HYI: variants seen among roughly 807,000 people sequenced by gnomAD.
HYI encodes putative hydroxypyruvate isomerase.
In HYI, 47 loss-of-function variants were observed where a neutral mutation model predicts 39.7. The ratio of observed to expected loss-of-function variants is 1.18; its 90% confidence interval spans 0.94 to 1.51. The LOEUF (loss-of-function observed/expected upper bound fraction) is 1.51, where lower values mean the gene tolerates loss of function less well. Ranked by LOEUF, HYI falls within the 40% of genes most tolerant of loss-of-function variation. HYI has a pLI of 0.00. For missense variants in HYI, 465 were observed against 370.3 expected (o/e 1.26, Z -2.10); for synonymous variants, 186 against 158.8 (o/e 1.17, Z -1.29).
At chr1:43,450,668 C>A, downstream of HYI, 1 of 860,016 alleles carries the variant, frequency 1.2e-6, no homozygotes, top group Non-Finnish European at 1.8e-6. The surrounding 1 kb of genome is among the most constrained non-coding windows in gnomAD (Gnocchi z 4.3). Flanking sequence ...CCGCCCTCCC[C>A]AAACACCCAC....
intron 5 of HYI, 22 bp downstream of exon 5, chr1:43,451,776 C>T (rs41270369): frequency 1.3e-4 from 213 of 1,614,046 alleles, no homozygotes; most frequent in Middle Eastern, 4.9e-4. Flanking sequence ...TTCCGATCTG[C>T]GAAGTACCCC....
At position 43,453,790 on chromosome 1, in the gene HYI, C is replaced by G. The variant is rs754502980; in HGVS notation, c.4G>C (p.Ala2Pro). 7.8e-7 allele frequency: 1 copy of G among 1,280,472 alleles called. No homozygotes were observed. The highest frequency in any genetic ancestry group is 3.1e-5 in the East Asian group (1 of 32,122). 79.3% of individuals were successfully genotyped at this position (1,280,472 alleles called of 1,614,324 possible). A position where few individuals can be genotyped will look rare whatever the true frequency, so the allele number is the denominator to read the frequency against. MAPLRFSANLSW... is the reference protein window; with the variant it reads MPPLRFSANLSW... ...AGATTGGCGGAGAAGCGCAGCGGCG[C>G]CATGCCTGGGGAGGCCGGGCCGGGC... Residue 2 changes from alanine (A) to proline (P), a missense_variant, in exon 1 of 8, where the codon GCG becomes CCG. Transcript: ENST00000372430.
rs764322446 is a variant in HYI at position 43,451,402 on chromosome 1, CGCCTCACCTCGAGGCT to C, written c.752_760+7del. Reference sequence around the variant, plus strand: ...TCCAGAGCTCCCTTCCCCAGGGCCACGCCTCACCTCGAGGCTGATACTCACAGCCCACGAAGCCTTT... The same window carrying C: ...TCCAGAGCTCCCTTCCCCAGGGCCACGATACTCACAGCCCACGAAGCCTTT... On this transcript the variant is annotated splice_donor_variant and splice_donor_5th_base_variant and coding_sequence_variant and intron_variant, in exon 7 of 8. Coordinates refer to ENST00000372430, the MANE Select transcript of HYI (RefSeq NM_001190880.3). LOFTEE classifies it high-confidence loss of function. 6.2e-7 allele frequency: 1 copy of C among 1,612,146 alleles called. No homozygotes were observed. Among genetic ancestry groups the C allele is most frequent in the East Asian group, 2.2e-5 (1 of 44,868 alleles).
rs1011674833 is a variant in HYI at position 43,453,894 on chromosome 1, C to A, written c.-101G>T. ...GGCGGGGCTCTCCTTGCTGGCCCTG[C>A]GAACGAACGAGCACTGTTCGTGGTT... is the stretch of plus-strand genomic sequence containing the variant. On this transcript the variant is annotated 5_prime_UTR_variant, in exon 1 of 8. Coordinates refer to ENST00000372430, the MANE Select transcript of HYI (RefSeq NM_001190880.3). 12 of 1,222,188 alleles carry A rather than the reference C, an allele frequency of 9.8e-6. No homozygotes were observed. The highest frequency in any genetic ancestry group is 5.1e-6 in the Non-Finnish European group (5 of 983,284). The allele number at this position is 1,222,188 out of a possible 1,614,324, so 75.7% of individuals were successfully genotyped here.
chr1:43,453,462 C>T lies in HYI; in HGVS notation c.235G>A (p.Val79Ile). Residue 79 changes from valine (V) to isoleucine (I), a missense_variant, in exon 2 of 8, where the codon GTC becomes ATC. By Grantham distance (29) the Val-to-Ile change is conservative. Coordinates refer to ENST00000372430, the MANE Select transcript of HYI (RefSeq NM_001190880.3). ...QEKGEMGLGA[V>I]PGRQAAFREG... ...CGGAAGGCCGCCTGTCTCCCGGGGA[C>T]GGCCCCCAGCCCCATTTCCCCCTTC... 1 of 1,562,348 alleles carries T rather than the reference C, an allele frequency of 6.4e-7. No homozygotes were observed. The highest frequency in any genetic ancestry group is 8.7e-7 in the Non-Finnish European group (1 of 1,152,336).
intron 2 of HYI, 26 bp downstream of exon 2, chr1:43,453,360 G>C: frequency 6.9e-7 from 1 of 1,455,408 alleles, no homozygotes; most frequent in Non-Finnish European, 9.4e-7. Context: ...GGGTCACAGG[G>C]GTGGGGGTGG....
In HYI at chr1:43,453,435, C is replaced by T. The variant is rs754897289; in HGVS notation, c.262G>A (p.Glu88Lys). 2.6e-6 allele frequency: 4 copies of T among 1,563,144 alleles called. No homozygotes were observed. The highest frequency in any genetic ancestry group is 3.5e-6 in the Non-Finnish European group (4 of 1,152,746). The change falls in exon 2 of 8, where the codon GAG (glutamate) becomes AAG (lysine). Residue 88 changes from glutamate to lysine, a missense_variant. Physicochemically the swap from Glu to Lys is moderately conservative, Grantham distance 56. Coordinates refer to ENST00000372430, the MANE Select transcript of HYI (RefSeq NM_001190880.3). ...TACCGCACGGCCTGCTCCAGTCCCTCTCGGAAGGCCGCCTGTCTCCCGGGG... is the reference window on the plus strand; with the variant it reads ...TACCGCACGGCCTGCTCCAGTCCCTTTCGGAAGGCCGCCTGTCTCCCGGGG... Reference protein sequence around the residue: ...AVPGRQAAFREGLEQAVRYAK... With the variant: ...AVPGRQAAFRKGLEQAVRYAK...
rs1656668697 is a variant in HYI at position 43,453,441 on chromosome 1, AGGCCGCCTGTCTCCCG to A, written c.240_255del (p.Gly81SerfsTer22). On this transcript the variant is annotated frameshift_variant, in exon 2 of 8. Transcript: ENST00000372430. LOFTEE classifies it high-confidence loss of function. ...ACGGCCTGCTCCAGTCCCTCTCGGAAGGCCGCCTGTCTCCCGGGGACGGCCCCCAGCCCCATTTCCC... is the reference window on the plus strand; with the variant it reads ...ACGGCCTGCTCCAGTCCCTCTCGGAAGGGACGGCCCCCAGCCCCATTTCCC... 1 of 1,563,992 alleles carries A rather than the reference AGGCCGCCTGTCTCCCG, an allele frequency of 6.4e-7. No individual in the cohort carries two copies. The highest frequency in any genetic ancestry group is 1.8e-5 in the Admixed American group (1 of 55,200).
chr1:43,453,660 G>C lies in HYI; in HGVS notation c.134C>G (p.Pro45Arg), dbSNP rs1656712051. Residue 45 changes from proline (P) to arginine (R), a missense_variant, in exon 1 of 8, where the codon CCT (proline) becomes CGT (arginine). Coordinates refer to ENST00000372430, the MANE Select transcript of HYI (RefSeq NM_001190880.3). ...VEVAWPYAET[P>R]EALARAAREA... ...TCGCGCGGCGCGCGCCAGCGCCTCA[G>C]GCGTCTCCGCGTACGGCCAGGCCAC... 2.7e-6 allele frequency: 4 copies of C among 1,485,628 alleles called. No homozygotes were observed. The highest frequency in any genetic ancestry group is 2.4e-5 in the Admixed American group (1 of 42,342). The allele number at this position is 1,485,628 out of a possible 1,614,324, so 92.0% of individuals were successfully genotyped here.
chr1:43,451,476 A>G lies in HYI; in HGVS notation c.694T>C (p.Tyr232His), dbSNP rs1176756400. Residue 232 changes from tyrosine (Y) to histidine (H), a missense_variant, in exon 7 of 8, where the codon TAT becomes CAT. By Grantham distance (83) the Tyr-to-His change is moderately conservative (BLOSUM62 2). Transcript: ENST00000372430. The stretch of plus-strand genomic sequence containing the variant: ...TCATCTTCCAGCAGTTGAAACAGAT[A>G]GGGGAAATTCAGCTCTCCGGGGCTG... Reference protein sequence around the residue: ...PSSPGELNFPYLFQLLEDEGY... With the variant: ...PSSPGELNFPHLFQLLEDEGY... The G allele has an allele frequency of 1.2e-6, 2 of 1,614,136 alleles. No individual in the cohort carries two copies. Among genetic ancestry groups the G allele is most frequent in the Non-Finnish European group, 1.7e-6 (2 of 1,180,036 alleles).
chr1:43,452,914 C>T (rs1219097982), intron 2 of HYI: 2 of 1,604,412 alleles, frequency 1.2e-6, no homozygotes, highest in South Asian at 1.1e-5. Context: ...TGTCCAGCCT[C>T]AGGAACGCTG....
rs771381659 is a variant in HYI, at chr1:43,451,187, G to A, written c.*51C>T. 1 of 1,498,266 alleles carries A rather than the reference G, an allele frequency of 6.7e-7. No individual in the cohort carries two copies. Among genetic ancestry groups the A allele is most frequent in the South Asian group, 1.1e-5 (1 of 88,772 alleles). The allele number at this position is 1,498,266 out of a possible 1,614,324, so 92.8% of individuals were successfully genotyped here. The stretch of plus-strand genomic sequence containing the variant: ...GCAGGTCATCTTTAATGCAGAGGAG[G>A]AGATGGGATGTCACTCGCTGTCTGG... On this transcript the variant is annotated 3_prime_UTR_variant, in exon 8 of 8. Transcript: ENST00000372430.
At position 43,453,741 on chromosome 1, in the gene HYI, G is replaced by C. The variant is rs760871370; in HGVS notation, c.53C>G (p.Ser18Cys). ...ANLSWLFPEL[S>C]GLPARVRAAG... ...GGCCCGCACCCGCGCGGGGAGGCCG[G>C]AGAGCTCGGGGAATAGCCAGGACAG... The change falls in exon 1 of 8, where the codon TCC (serine) becomes TGC (cysteine). Residue 18 changes from serine to cysteine, a missense_variant. Coordinates refer to ENST00000372430, the MANE Select transcript of HYI (RefSeq NM_001190880.3). 3 of 1,387,540 alleles carry C rather than the reference G, an allele frequency of 2.2e-6. No individual in the cohort carries two copies. Among genetic ancestry groups the C allele is most frequent in the Admixed American group, 3.7e-5 (1 of 26,760 alleles). The allele number at this position is 1,387,540 out of a possible 1,614,324, so 86.0% of individuals were successfully genotyped here.
chr1:43,453,860 G>GCGGGCGA lies in HYI; in HGVS notation c.-68_-67insTCGCCCG, dbSNP rs1392562603. ...GGCGGCGGGCGGCGGGCGGCGGGCGGCGGGCGGGGGCGGGGCTCTCCTTGC... is the reference window on the plus strand; with the variant it reads ...GGCGGCGGGCGGCGGGCGGCGGGCGGCGGGCGACGGGCGGGGGCGGGGCTCTCCTTGC... On this transcript the variant is annotated 5_prime_UTR_variant, in exon 1 of 8. Transcript: ENST00000372430. The GCGGGCGA allele has an allele frequency of 7.3e-6, 9 of 1,227,802 alleles. No homozygotes were observed. The African/African-American group carries it at 9.5e-5, about 13-fold the overall frequency. 76.1% of individuals were successfully genotyped at this position (1,227,802 alleles called of 1,614,324 possible).
rs770465127 is a variant in HYI at position 43,453,417 on chromosome 1, C to G, written c.280G>C (p.Val94Leu). ...CAGCCCAGGGCTTTGGCATACCGCA[C>G]GGCCTGCTCCAGTCCCTCTCGGAAG... ...AAFREGLEQA[V>L]RYAKALGCPR... Residue 94 changes from valine to leucine, a missense_variant, in exon 2 of 8, where the codon GTG (valine) becomes CTG (leucine). Coordinates refer to ENST00000372430, the MANE Select transcript of HYI (RefSeq NM_001190880.3). 1.3e-6 allele frequency: 2 copies of G among 1,558,718 alleles called. No individual in the cohort carries two copies. Among genetic ancestry groups the G allele is most frequent in the Non-Finnish European group, 1.7e-6 (2 of 1,150,530 alleles).
At chr1:43,451,600 CAG>C (rs1656431289) in intron 6 of HYI, 46 bp downstream of exon 6, 2 of 1,613,638 alleles carry the variant, frequency 1.2e-6, no homozygotes, top group Non-Finnish European at 8.5e-7. Context: ...GCCTGAAGGA[CAG>C]ATGTGGGGAT....
intron 2 of HYI, chr1:43,452,829 A>G: frequency 1.3e-6 from 2 of 1,484,444 alleles, no homozygotes; most frequent in South Asian, 2.4e-5. Flanking sequence ...ACCTCCTCCC[A>G]TCATCCCCTG....
At position 43,453,715 on chromosome 1, in the gene HYI, C is replaced by G. The variant is rs1204028693; in HGVS notation, c.79G>C (p.Ala27Pro). The G allele has an allele frequency of 2.9e-6, 4 of 1,398,528 alleles. No individual in the cohort carries two copies. In the East Asian group the frequency reaches 1.2e-4, roughly 42 times the overall value. 86.6% of individuals were successfully genotyped at this position (1,398,528 alleles called of 1,614,324 possible). A position where few individuals can be genotyped will look rare whatever the true frequency, so the allele number is the denominator to read the frequency against. ...LSGLPARVRA[A>P]GSSGFEAVEV... Reference sequence around the variant, plus strand: ...ACGGCCTCGAAGCCCGAGCTGCCCGCGGCCCGCACCCGCGCGGGGAGGCCG... The same window carrying G: ...ACGGCCTCGAAGCCCGAGCTGCCCGGGGCCCGCACCCGCGCGGGGAGGCCG... Residue 27 changes from alanine (A) to proline (P), a missense_variant, in exon 1 of 8, where the codon GCG becomes CCG. Transcript: ENST00000372430.
At position 43,453,640 on chromosome 1, in the gene HYI, C is replaced by A. The variant is rs1456631721; in HGVS notation, c.154G>T (p.Ala52Ser). ...AETPEALARA[A>S]REAGLRLVLI... ...ACAAGCCGCAGCCCCGCTTCTCGCG[C>A]GGCGCGCGCCAGCGCCTCAGGCGTC... Residue 52 changes from alanine to serine, a missense_variant, in exon 1 of 8, where the codon GCG becomes TCG. Transcript: ENST00000372430. 6.7e-7 allele frequency: 1 copy of A among 1,491,488 alleles called. No individual in the cohort carries two copies. The allele number at this position is 1,491,488 out of a possible 1,614,324, so 92.4% of individuals were successfully genotyped here.
Sources: gnomAD v4.1 joint callset for allele counts on GRCh38, gnomAD v4.1.1 for gene constraint, Gnocchi (gnomAD v3.1) non-coding constraint, MANE v1.5 for transcripts, NCBI Gene and HGNC (gene_info 2026-07-23, HGNC 2026-07-21) for gene names.